The following DCC variants were observed in gnomAD, a reference collection of about 807,000 sequenced individuals.
DCC encodes the protein DCC netrin 1 receptor, also known as netrin receptor DCC.
In DCC, 58 loss-of-function variants were observed where a neutral mutation model predicts 172.5. The ratio of observed to expected loss-of-function variants is 0.34; its 90% CI spans 0.27 to 0.42. DCC has a LOEUF of 0.42. DCC is among the 10% of genes least tolerant of loss of function. The pLI is 1.00. For missense variants in DCC, 1,740 were observed against 1,791.0 expected, an observed-to-expected ratio of 0.97 and a Z score of 0.51; for synonymous variants, 709 against 644.5, an observed-to-expected ratio of 1.10 and a Z score of -1.52.
chr18:52,811,496 A>G (rs2038197949), intron 2 of DCC, among the ~76,000 whole-genome samples: 2 of 152,242 alleles, frequency 1.3e-5, no homozygotes. Flanking sequence ...GGAAAATTAT[A>G]TTGAAGAGGG....
chr18:53,302,218 T>C (rs544401207), intron 12 of DCC, among the ~76,000 whole-genome samples: 3 of 152,182 alleles, frequency 2.0e-5, no homozygotes, highest in Admixed American at 2.0e-4. Context: ...GATACAGGAG[T>C]AATAACTTCA....
chr18:53,242,871 G>GGT (rs3059140), intron 12 of DCC, among the ~76,000 whole-genome samples: 11,164 of 148,406 alleles, frequency 0.075, 506 homozygotes, highest in Admixed American at 0.15. Context: ...ATGACAAGTA[G>GGT]GTGTGTGTGT....
chr18:52,894,304 C>T (rs1230295716), intron 2 of DCC, among the ~76,000 whole-genome samples: 3 of 151,978 alleles, frequency 2.0e-5, no homozygotes, highest in South Asian at 2.1e-4. Flanking sequence ...CTGTTCATCA[C>T]TGTATTCCTC....
chr18:53,258,336 C>T (rs924589073), intron 12 of DCC, among the ~76,000 whole-genome samples: 1 of 152,114 alleles, frequency 6.6e-6, no homozygotes, highest in African/African-American at 2.4e-5. Flanking sequence ...TCTGCTTTCT[C>T]TGGTGGGCAT....
intron 27 of DCC, among the ~76,000 whole-genome samples, chr18:53,515,664 CAG>C (rs1484936058): frequency 6.7e-6 from 1 of 148,594 alleles, no homozygotes; most frequent in African/African-American, 2.5e-5. Context: ...AACAGACAAA[CAG>C]AGAGCCAAAT....
chr18:53,329,928 TA>T (rs1440792098), intron 14 of DCC, among the ~76,000 whole-genome samples: 6 of 152,120 alleles, frequency 3.9e-5, no homozygotes, highest in Non-Finnish European at 8.8e-5. Flanking sequence ...GAAATAAATA[TA>T]AAAATAAAGC....
At chr18:52,501,632 T>C (rs531761895) in intron 1 of DCC, among the ~76,000 whole-genome samples, 3 of 152,122 alleles carry the variant, frequency 2.0e-5, no homozygotes, top group Non-Finnish European at 2.9e-5. Flanking sequence ...AGTACGGAAG[T>C]GGCATGTTGG....
At chr18:52,584,329 G>C (rs751699756) in intron 1 of DCC, among the ~76,000 whole-genome samples, 1 of 152,126 alleles carries the variant, frequency 6.6e-6, no homozygotes, top group African/African-American at 2.4e-5. Context: ...CTCATTGGAC[G>C]AATGTTTAGA....
intron 23 of DCC, among the ~76,000 whole-genome samples, chr18:53,452,123 A>C (rs2045422207): frequency 6.6e-6 from 1 of 152,204 alleles, no homozygotes; most frequent in African/African-American, 2.4e-5. Flanking sequence ...AGGGGAAAGT[A>C]ACTAATTGAG....
chr18:53,418,939 AATT>A (rs1476699534), intron 21 of DCC, among the ~76,000 whole-genome samples: 1 of 152,128 alleles, frequency 6.6e-6, no homozygotes, highest in Admixed American at 6.5e-5. Context: ...CCACCTCTAT[AATT>A]CTCCTTTTTT....
intron 25 of DCC, among the ~76,000 whole-genome samples, chr18:53,468,865 C>A (rs1042444477): frequency 2.6e-5 from 4 of 152,142 alleles, no homozygotes; most frequent in African/African-American, 7.2e-5. Flanking sequence ...CCCATTACTT[C>A]TATGCTCAGT....
intron 2 of DCC, among the ~76,000 whole-genome samples, chr18:52,776,078 C>T (rs28720976): frequency 0.11 from 17,096 of 152,254 alleles, 1,071 homozygotes; most frequent in South Asian, 0.18. Flanking sequence ...AATATTTCAA[C>T]TGGCTCACAC....
chr18:53,004,248 T>C (rs1018167056), intron 5 of DCC, among the ~76,000 whole-genome samples: 18 of 152,186 alleles, frequency 1.2e-4, no homozygotes, highest in African/African-American at 4.3e-4. Flanking sequence ...ATATGGAGCT[T>C]TTATCAGATT....
At chr18:52,945,284 A>G (rs1214851857) in intron 5 of DCC, among the ~76,000 whole-genome samples, 1 of 152,228 alleles carries the variant, frequency 6.6e-6, no homozygotes, top group Admixed American at 6.5e-5. Context: ...GATGATCTTT[A>G]TAGAAAGGTA....
chr18:52,798,226 T>A (rs1233244996), intron 2 of DCC, among the ~76,000 whole-genome samples: 1 of 152,224 alleles, frequency 6.6e-6, no homozygotes, highest in Non-Finnish European at 1.5e-5. Context: ...TTTAAGTGAC[T>A]TAATATCAGG....
intron 1 of DCC, among the ~76,000 whole-genome samples, chr18:52,392,018 A>G (rs1986048509): frequency 6.6e-6 from 1 of 152,204 alleles, no homozygotes; most frequent in East Asian, 1.9e-4. Flanking sequence ...TTCTTGGCAT[A>G]AATGCCAATA....
intron 23 of DCC, among the ~76,000 whole-genome samples, chr18:53,450,868 T>C (rs1022252451): frequency 1.3e-5 from 2 of 152,202 alleles, no homozygotes; most frequent in Non-Finnish European, 2.9e-5. Flanking sequence ...AAAATCCATC[T>C]GGGACCCACT....
In DCC at chr18:52,831,013, G is replaced by A. The variant is rs559128795; in HGVS notation, c.413-75031G>A. ...GATCTCAGGGCATAGGGCAAGTCTC[G>A]GTATTAGTAGGACATTCTGATCAGG... On this transcript the variant is annotated intron_variant, in intron 2 of 28. Coordinates refer to ENST00000442544, the MANE Select transcript of DCC (RefSeq NM_005215.4). Among the ~76,000 whole-genome samples the A allele has an allele frequency of 5.1e-4, 77 of 152,140 alleles. 1 individual carries two copies. In the South Asian group the frequency reaches 8.9e-3, roughly 18 times the overall value.
At chr18:52,599,202 C>A (rs1452551165) in intron 1 of DCC, among the ~76,000 whole-genome samples, 1 of 152,024 alleles carries the variant, frequency 6.6e-6, no homozygotes, top group East Asian at 1.9e-4. Context: ...GATTTTGATG[C>A]CTTCCTTAAA....
Sources: gnomAD v4.1 joint callset for allele counts (sites outside exome capture counted in the v4.1 genomes callset) on GRCh38, gnomAD v4.1.1 for gene constraint, MANE v1.5 for transcripts, NCBI Gene and HGNC (gene_info 2026-07-23, HGNC 2026-07-21) for gene names.